DNAH10: variants seen among roughly 807,000 people sequenced by gnomAD.
DNAH10 encodes dynein axonemal heavy chain 10, also known as axonemal beta dynein heavy chain 10.
In DNAH10, 348 loss-of-function variants were observed where a neutral mutation model predicts 506.6. The observed-to-expected ratio is 0.69, with a 90% confidence interval of 0.63 to 0.75. The LOEUF is 0.75. Among genes scored for constraint, DNAH10 ranks in the 30% least tolerant of loss-of-function variants. The pLI is 0.00. For synonymous variants in DNAH10, 2,059 were observed against 2,198.6 expected (o/e 0.94, Z 1.78); for missense variants, 5,179 against 5,787.1 (o/e 0.89, Z 3.41).
chr12:123,886,983 G>A (rs1952763101), intron 51 of DNAH10, among the ~76,000 whole-genome samples, 159 bp from the exon 52 acceptor site: 1 of 152,134 alleles, frequency 6.6e-6, no homozygotes, highest in African/African-American at 2.4e-5. Flanking sequence ...TCTGTTTCAT[G>A]ACAGGGAGTC....
In DNAH10 at chr12:123,879,336, C is replaced by T. The variant is rs1193854412; in HGVS notation, c.8445C>T (p.Ile2815=). ...ECLRVFHDRL[I]SETDKQLVQQ... ...TGAGAGTCTTCCACGACCGGCTGAT[C>T]AGTGAAACAGACAAGCAGCTGGTCA... The change falls in exon 49 of 79, where the codon ATC becomes ATT. Residue 2815 remains isoleucine, a synonymous_variant. Coordinates refer to ENST00000673944, the MANE Select transcript of DNAH10 (RefSeq NM_001372106.1). The T allele has an allele frequency of 2.5e-6, 4 of 1,570,490 alleles. No individual in the cohort carries two copies. Among genetic ancestry groups the T allele is most frequent in the Non-Finnish European group, 2.6e-6 (3 of 1,157,240 alleles).
At chr12:123,767,442 G>C (rs932864620) in intron 1 of DNAH10, among the ~76,000 whole-genome samples, 164 bp from the exon 2 acceptor site, 1 of 152,158 alleles carries the variant, frequency 6.6e-6, no homozygotes, top group African/African-American at 2.4e-5. Flanking sequence ...GTCACTGAAA[G>C]CTGGCTCCAT....
chr12:123,831,450 GCAAA>G (rs1336637464), intron 26 of DNAH10, among the ~76,000 whole-genome samples: 2 of 152,204 alleles, frequency 1.3e-5, no homozygotes, highest in South Asian at 4.1e-4. Flanking sequence ...TCGTGATTGT[GCAAA>G]CAAACCTAGC....
At chr12:123,863,661 T>C (rs1319979110) in intron 39 of DNAH10, among the ~76,000 whole-genome samples, 1 of 152,208 alleles carries the variant, frequency 6.6e-6, no homozygotes, top group East Asian at 1.9e-4. Context: ...TTTTCTCTTA[T>C]AAGGACATTT....
intron 39 of DNAH10, among the ~76,000 whole-genome samples, chr12:123,864,350 T>C (rs920271232): frequency 6.6e-6 from 1 of 151,950 alleles, no homozygotes; most frequent in African/African-American, 2.4e-5. Flanking sequence ...TTTCACTATG[T>C]TGGCCAGACT....
chr12:123,919,324 CT>C lies in DNAH10; in HGVS notation c.11506+377del, dbSNP rs1236057219. On this transcript the variant is annotated intron_variant, in intron 65 of 78. Transcript: ENST00000673944. This position sits in a 1 kb window ranked among gnomAD's most constrained non-coding sequence, Gnocchi z 4.9. ...TCCTGAGCTCAAACGATCCACCCAC[CT>C]TGGCCTCCTGAAGTGCTGGGATTAC... Among the ~76,000 whole-genome samples, 15 of 152,152 alleles carry C rather than the reference CT, an allele frequency of 9.9e-5. No individual in the cohort carries two copies. Among genetic ancestry groups the C allele is most frequent in the Admixed American group, 3.3e-4 (5 of 15,282 alleles).
At chr12:123,767,710 A>G in intron 2 of DNAH10, 21 bp downstream of exon 2, 1 of 1,601,224 alleles carries the variant, frequency 6.2e-7, no homozygotes, top group East Asian at 2.2e-5. Context: ...GGGAGGGGTC[A>G]TGGGAGGGTG....
intron 24 of DNAH10, among the ~76,000 whole-genome samples, chr12:123,824,537 G>A (rs1418505706): frequency 3.9e-5 from 6 of 152,170 alleles, no homozygotes; most frequent in Non-Finnish European, 8.8e-5. Flanking sequence ...ATACATGGTT[G>A]TGAATACAGA....
chr12:123,801,560 A>G, intron 16 of DNAH10, 128 bp downstream of exon 16: 1 of 1,215,924 alleles, frequency 8.2e-7, no homozygotes, highest in Non-Finnish European at 1.1e-6. Context: ...GGGTTAAGAA[A>G]TACAAGTTGC....
At chr12:123,824,915 G>T (rs1179715359) in intron 24 of DNAH10, among the ~76,000 whole-genome samples, 2 of 152,164 alleles carry the variant, frequency 1.3e-5, no homozygotes, top group East Asian at 3.8e-4. Flanking sequence ...CTGGGTGGAC[G>T]TGCATTTTTG....
At chr12:123,895,402 A>G (rs1451900774) in intron 54 of DNAH10, among the ~76,000 whole-genome samples, 2 of 152,200 alleles carry the variant, frequency 1.3e-5, no homozygotes, top group Non-Finnish European at 2.9e-5. Context: ...TAAATAAATA[A>G]ATGTTCCTAT....
intron 1 of DNAH10, among the ~76,000 whole-genome samples, chr12:123,765,364 A>G (rs73420358): frequency 0.034 from 5,205 of 152,304 alleles, 207 homozygotes; most frequent in African/African-American, 0.087. Context: ...CACAGAACAT[A>G]GAATTACATA....
Position 123,879,377 on chromosome 12 carries a change from CT to C in DNAH10, c.8466+22del. On this transcript the variant is annotated intron_variant, in intron 49 of 78. Transcript: ENST00000673944. ...CAGCTGGTCAGTACATCCAATGCTT[CT>C]TCTCAGGAAATTCTTCTCAGGAAAA... The C allele has an allele frequency of 6.5e-7, 1 of 1,550,128 alleles. No individual in the cohort carries two copies. Among genetic ancestry groups the C allele is most frequent in the African/African-American group, 1.4e-5 (1 of 72,928 alleles).
At chr12:123,800,965 C>T (rs1366773267) in intron 15 of DNAH10, among the ~76,000 whole-genome samples, 1 of 151,386 alleles carries the variant, frequency 6.6e-6, no homozygotes, top group African/African-American at 2.4e-5. Flanking sequence ...TGCAGTGAGC[C>T]GAGATCGTGC....
intron 14 of DNAH10, 50 bp downstream of exon 14, chr12:123,799,421 C>T (rs1958403229): frequency 6.4e-7 from 1 of 1,570,740 alleles, no homozygotes; most frequent in Non-Finnish European, 8.7e-7. Context: ...ACGATGGCGT[C>T]TGCCACATTT....
At chr12:123,772,736 T>C in intron 3 of DNAH10, 98 bp from the exon 4 acceptor site, 1 of 860,680 alleles carries the variant, frequency 1.2e-6, no homozygotes, top group Non-Finnish European at 1.8e-6. Flanking sequence ...AGACCAGCCA[T>C]TGTGTTGAGA....
chr12:123,881,843 T>C, intron 51 of DNAH10, 30 bp downstream of exon 51: 1 of 1,444,916 alleles, frequency 6.9e-7, no homozygotes. Flanking sequence ...CAGAAATAGG[T>C]TTACGATGCC....
Position 123,859,162 on chromosome 12 carries a change from G to T in DNAH10, c.6643G>T (p.Val2215Phe), listed in dbSNP as rs373097500. ...GTTTGTCCCGCAGGTGGATAAAGTG[G>T]TTCAAATGTTCGAGACCATGTTAAC... The part of the protein sequence containing the change: ...AVLPIQVDKV[V>F]QMFETMLTRH... The change falls in exon 38 of 79, where the codon GTT becomes TTT. Residue 2215 changes from valine (V) to phenylalanine (F), a missense_variant. Around this residue, in one of 3 missense-constraint regions of DNAH10, gnomAD observed 4,844 missense variants for 5,430.5 expected, o/e 0.89. Coordinates refer to ENST00000673944, the MANE Select transcript of DNAH10 (RefSeq NM_001372106.1). 3 of 1,609,958 alleles carry T rather than the reference G, an allele frequency of 1.9e-6. No homozygotes were observed. The highest frequency in any genetic ancestry group is 1.3e-5 in the African/African-American group (1 of 74,970).
chr12:123,834,813 A>T (rs1307754308), intron 27 of DNAH10, among the ~76,000 whole-genome samples: 1 of 152,200 alleles, frequency 6.6e-6, no homozygotes, highest in Non-Finnish European at 1.5e-5. Flanking sequence ...ACTTAGCGTG[A>T]TGTTTTCCAG....
Sources: allele counts gnomAD v4.1 joint callset (sites outside exome capture counted in the v4.1 genomes callset), GRCh38; gene constraint gnomAD v4.1.1; regional missense constraint gnomAD v4.1.1; non-coding constraint Gnocchi (gnomAD v3.1); transcripts MANE v1.5; gene names NCBI Gene and HGNC (gene_info 2026-07-23, HGNC 2026-07-21).